The following PARVG variants were observed in gnomAD, a reference collection of about 807,000 sequenced individuals.
PARVG encodes the protein gamma-parvin.
A neutral mutation model predicts 44.4 loss-of-function variants in PARVG; 36 were observed. The ratio of observed to expected loss-of-function variants is 0.81; its 90% CI spans 0.62 to 1.07. PARVG has a LOEUF of 1.07. PARVG is among the 50% of genes least tolerant of loss of function. The probability of loss-of-function intolerance (pLI) is 0.00; values close to 1 mark genes in which losing one functional copy is unlikely to be tolerated. For synonymous variants in PARVG, 170 were observed against 174.1 expected (o/e 0.98, Z 0.19); for missense variants, 407 against 407.4 (o/e 1.00, Z 0.01).
At chr22:44,196,566 C>G in intron 11 of PARVG, 151 bp downstream of exon 11, 3 of 922,344 alleles carry the variant, frequency 3.3e-6, no homozygotes, top group South Asian at 3.1e-5. Context: ...GGGACTGTTG[C>G]TGGCAGGCAG....
intron 9 of PARVG, among the ~76,000 whole-genome samples, chr22:44,194,444 C>A (rs1301909384): frequency 6.6e-6 from 1 of 152,194 alleles, no homozygotes; most frequent in Non-Finnish European, 1.5e-5. Flanking sequence ...TTGATCCATC[C>A]TTTCTTCCAT....
At chr22:44,184,575 GT>G (rs1282107496) in intron 3 of PARVG, 2 of 152,250 alleles carry the variant, frequency 1.3e-5, no homozygotes, top group Non-Finnish European at 2.9e-5. Context: ...CTGACCTCAA[GT>G]GATCCACCCG....
At chr22:44,173,152 G>A (rs2054285890) in exon 1 of PARVG, 1 of 1,283,832 alleles carries the variant, frequency 7.8e-7, no homozygotes, top group Non-Finnish European at 1.0e-6. Context: ...ACTTCTGCTG[G>A]GACCACAAGG....
rs2054786220 is a variant in PARVG, at chr22:44,206,660, G to A, written c.*234G>A. 3.8e-6 allele frequency: 2 copies of A among 531,496 alleles called. No homozygotes were observed. The highest frequency in any genetic ancestry group is 4.3e-5 in the South Asian group (2 of 46,296). 32.9% of individuals were successfully genotyped at this position (531,496 alleles called of 1,614,324 possible). On this transcript the variant is annotated 3_prime_UTR_variant, in exon 14 of 14. Transcript: ENST00000444313. ...TAAAAGTATTTCTGGGAGGGATTCTGGGAACTTGACAGGGTCCTGAGGAGG... is the reference window on the plus strand; with the variant it reads ...TAAAAGTATTTCTGGGAGGGATTCTAGGAACTTGACAGGGTCCTGAGGAGG...
At position 44,194,714 on chromosome 22, in the gene PARVG, TCATC is replaced by T. The variant is rs377192868; in HGVS notation, c.583+905_583+908del. 1.0e-4 allele frequency among the ~76,000 whole-genome samples: 12 copies of T among 118,580 alleles called. No homozygotes were observed. In the South Asian group the frequency reaches 1.9e-3, roughly 19 times the overall value. 77.8% of individuals were successfully genotyped at this position (118,580 alleles called of 152,430 possible). On this transcript the variant is annotated intron_variant, in intron 9 of 13. Transcript: ENST00000444313. ...TCCACCCACCCACCTATCCACGCAT[TCATC>T]CATCCATCCATCCCTCCATCCATCC... is the stretch of plus-strand genomic sequence containing the variant.
At chr22:44,174,246 C>T (rs1289510934) in intron 1 of PARVG, among the ~76,000 whole-genome samples, 1 of 151,842 alleles carries the variant, frequency 6.6e-6, no homozygotes, top group Non-Finnish European at 1.5e-5. Flanking sequence ...AGGAAGGGTG[C>T]AGGTGGGGCA....
rs139186 is a variant in PARVG at position 44,206,349 on chromosome 22, A to C, written c.919A>C (p.Arg307=). 0.82 allele frequency: 1,329,214 copies of C among 1,613,542 alleles called. 551,326 individuals are homozygous for C. The highest frequency in any genetic ancestry group is 0.86 in the Middle Eastern group (5,225 of 6,062). ...GAACAAGGATGCCAAGAGCACACTG[A>C]GGGTGCTCTATGGTCTGTTCTGCAA... ...IVNKDAKSTL[R]VLYGLFCKHT... The change falls in exon 14 of 14, where the codon AGG becomes CGG. Residue 307 remains arginine (R), a synonymous_variant. Coordinates refer to ENST00000444313, the MANE Select transcript of PARVG (RefSeq NM_022141.7).
intron 5 of PARVG, 97 bp downstream of exon 5, chr22:44,187,975 C>G: frequency 8.0e-7 from 1 of 1,254,778 alleles, no homozygotes; most frequent in East Asian, 2.4e-5. Context: ...TCAGTCCCCA[C>G]AATGGTCCCG....
chr22:44,197,166 T>C (rs1013340134), intron 11 of PARVG, among the ~76,000 whole-genome samples: 4 of 152,104 alleles, frequency 2.6e-5, no homozygotes, highest in African/African-American at 9.7e-5. Flanking sequence ...GATGGACCAG[T>C]TGGCTCATGA....
At chr22:44,187,921 C>A in intron 5 of PARVG, 43 bp downstream of exon 5, 3 of 1,603,228 alleles carry the variant, frequency 1.9e-6, no homozygotes, top group Non-Finnish European at 2.6e-6. Context: ...CGGCCCCATC[C>A]CCCTGACCTG....
chr22:44,206,471 G>A lies in PARVG; in HGVS notation c.*45G>A. Reference sequence around the variant, plus strand: ...CCAGAGCCTGCCTGTCAGCCCAGCTGGAGGGCCCGAGGCTGCAGGGTGTCC... The same window carrying A: ...CCAGAGCCTGCCTGTCAGCCCAGCTAGAGGGCCCGAGGCTGCAGGGTGTCC... On this transcript the variant is annotated 3_prime_UTR_variant, in exon 14 of 14. Coordinates refer to ENST00000444313, the MANE Select transcript of PARVG (RefSeq NM_022141.7). 6.3e-7 allele frequency: 1 copy of A among 1,577,210 alleles called. No homozygotes were observed. Among genetic ancestry groups the A allele is most frequent in the Non-Finnish European group, 8.7e-7 (1 of 1,147,114 alleles).
At chr22:44,205,978 A>G in intron 13 of PARVG, 149 bp downstream of exon 13, 3 of 1,002,726 alleles carry the variant, frequency 3.0e-6, no homozygotes, top group Admixed American at 2.1e-5. Flanking sequence ...GCGCTTGCCA[A>G]GGTTTCTTGG....
chr22:44,190,403 A>T (rs991918221), intron 6 of PARVG, 148 bp from the exon 7 acceptor site: 7 of 625,854 alleles, frequency 1.1e-5, no homozygotes, highest in African/African-American at 5.5e-5. Flanking sequence ...TAGGTTCTGA[A>T]CACGTATCTC....
Position 44,181,992 on chromosome 22 carries a change from A to G in PARVG, c.-13+75A>G, listed in dbSNP as rs2054387105. The G allele has an allele frequency of 4.1e-6, 4 of 980,814 alleles. No homozygotes were observed. The South Asian group carries it at 1.4e-4, about 35-fold the overall frequency. The allele number at this position is 980,814 out of a possible 1,614,324, so 60.8% of individuals were successfully genotyped here. A position where few individuals can be genotyped will look rare whatever the true frequency, so the allele number is the denominator to read the frequency against. On this transcript the variant is annotated intron_variant, in intron 2 of 13. Coordinates refer to ENST00000444313, the MANE Select transcript of PARVG (RefSeq NM_022141.7). ...GGGAGGGGCCCAGACACCACCTGGG[A>G]AGGATCCCAGAGTGCAGTCCCAGCC...
At chr22:44,193,780 C>T (rs1601739612) in intron 8 of PARVG, 21 bp from the exon 9 acceptor site, 3 of 1,609,326 alleles carry the variant, frequency 1.9e-6, no homozygotes, top group African/African-American at 2.7e-5. Flanking sequence ...CATTTGTTTG[C>T]TTTTTCCACC....
At chr22:44,173,126 A>T in exon 1 of PARVG, 2 of 1,288,638 alleles carry the variant, frequency 1.6e-6, no homozygotes, top group Middle Eastern at 4.3e-4. Context: ...GGGGGATGGG[A>T]CTTTGGGAAC....
At chr22:44,181,245 T>C (rs1201394977) in intron 1 of PARVG, 60 bp downstream of exon 1, 4 of 718,534 alleles carry the variant, frequency 5.6e-6, no homozygotes, top group Non-Finnish European at 6.8e-6. Flanking sequence ...TTTTAAGAGC[T>C]ATTGGGTGCC....
chr22:44,188,023 G>C (rs2054498542), intron 5 of PARVG, 145 bp downstream of exon 5: 1 of 833,196 alleles, frequency 1.2e-6, no homozygotes, highest in Admixed American at 2.1e-5. Flanking sequence ...AGATGGGCCT[G>C]GGCTGGGGAG....
chr22:44,191,397 T>A (rs2054547089), intron 7 of PARVG, among the ~76,000 whole-genome samples: 1 of 130,850 alleles, frequency 7.6e-6, no homozygotes, highest in Non-Finnish European at 1.6e-5. Context: ...TATTTTTTTT[T>A]TTTTTTTTTT....
Sources: gnomAD v4.1 joint callset for allele counts (sites outside exome capture counted in the v4.1 genomes callset) on GRCh38, gnomAD v4.1.1 for gene constraint, MANE v1.5 for transcripts, NCBI Gene and HGNC (gene_info 2026-07-23, HGNC 2026-07-21) for gene names.